The following HCN1 variants were observed in gnomAD, a reference collection of about 807,000 sequenced individuals.
The protein encoded by HCN1 is potassium/sodium hyperpolarization-activated cyclic nucleotide-gated channel 1.
Under a neutral mutation model 78.9 loss-of-function variants are expected in HCN1, and 13 were observed. The observed-to-expected ratio is 0.16, with a 90% confidence interval of 0.11 to 0.26. HCN1 has a LOEUF of 0.26. HCN1 is among the 10% of genes least tolerant of loss of function. HCN1 has a pLI of 1.00. For synonymous variants in HCN1, 552 were observed against 455.5 expected, an observed-to-expected ratio of 1.21 and a Z score of -2.70; for missense variants, 810 against 1,154.3, an observed-to-expected ratio of 0.70 and a Z score of 4.32.
At chr5:45,609,146 C>A (rs983485255) in intron 2 of HCN1, among the ~76,000 whole-genome samples, 18 of 151,930 alleles carry the variant, frequency 1.2e-4, no homozygotes, top group Admixed American at 5.3e-4. Flanking sequence ...GTATCGATTT[C>A]TTGGAAAGCA....
chr5:45,289,047 C>T (rs1745321971), intron 6 of HCN1, among the ~76,000 whole-genome samples: 1 of 151,982 alleles, frequency 6.6e-6, no homozygotes, highest in Non-Finnish European at 1.5e-5. Flanking sequence ...GTCCTTTACT[C>T]ATAAGCTGTG....
Position 45,254,999 on chromosome 5 carries a change from TA to T in HCN1, c.*6921del, listed in dbSNP as rs1744577078. 6.6e-6 allele frequency: 1 copy of T among 152,198 alleles called. No individual in the cohort carries two copies. The highest frequency in any genetic ancestry group is 2.4e-5 in the African/African-American group (1 of 41,438). The allele number at this position is 152,198 out of a possible 1,614,324, so 9.4% of individuals were successfully genotyped here. A position where few individuals can be genotyped will look rare whatever the true frequency, so the allele number is the denominator to read the frequency against. On this transcript the variant is annotated 3_prime_UTR_variant, in exon 8 of 8. Transcript: ENST00000303230. ...AATGTCAATGTATTATTGATAGCATTAAAAATGTTACAGAAGGCAATGGACA... is the reference window on the plus strand; with the variant it reads ...AATGTCAATGTATTATTGATAGCATTAAAATGTTACAGAAGGCAATGGACA...
intron 6 of HCN1, 58 bp from the exon 7 acceptor site, chr5:45,267,311 A>T: frequency 4.0e-6 from 6 of 1,514,922 alleles, no homozygotes; most frequent in Non-Finnish European, 5.5e-6. Context: ...TTTAAAAGCC[A>T]TTAAGGCTTC....
intron 5 of HCN1, among the ~76,000 whole-genome samples, chr5:45,312,875 G>A (rs531014068): frequency 6.6e-6 from 1 of 152,150 alleles, no homozygotes; most frequent in Non-Finnish European, 1.5e-5. Context: ...CTGGAGGCTC[G>A]ACCTGCATGG....
chr5:45,380,861 A>G (rs1157081922), intron 4 of HCN1, among the ~76,000 whole-genome samples: 1 of 152,168 alleles, frequency 6.6e-6, no homozygotes, highest in African/African-American at 2.4e-5. Context: ...GCTCAAAGTG[A>G]GATTAATTAC....
intron 2 of HCN1, among the ~76,000 whole-genome samples, chr5:45,553,010 T>C (rs1743397570): frequency 6.6e-6 from 1 of 151,914 alleles, no homozygotes; most frequent in Non-Finnish European, 1.5e-5. Context: ...GATATGCTGA[T>C]TACTTCAAAC....
intron 3 of HCN1, among the ~76,000 whole-genome samples, chr5:45,434,192 C>T (rs1281896003): frequency 2.6e-5 from 4 of 152,178 alleles, no homozygotes; most frequent in African/African-American, 9.6e-5. Flanking sequence ...ATATCTGAGT[C>T]TTCTGATGCA....
intron 3 of HCN1, among the ~76,000 whole-genome samples, chr5:45,425,071 T>A (rs1362631214): frequency 6.6e-6 from 1 of 152,230 alleles, no homozygotes; most frequent in Non-Finnish European, 1.5e-5. Flanking sequence ...TAGAATATAA[T>A]GCCTGGCACA....
At position 45,327,051 on chromosome 5, in the gene HCN1, G is replaced by A. The variant is rs182292386; in HGVS notation, c.1378-23212C>T. Among the ~76,000 whole-genome samples, 166 of 151,754 alleles carry A rather than the reference G, an allele frequency of 1.1e-3. 1 individual carries two copies. Among genetic ancestry groups the A allele is most frequent in the Admixed American group, 4.5e-3 (68 of 15,174 alleles). On this transcript the variant is annotated intron_variant, in intron 5 of 7. Coordinates refer to ENST00000303230, the MANE Select transcript of HCN1 (RefSeq NM_021072.4). ...ATTGACAGGAAGAGTGTTCATTAGAGAATTTGTATCTCTGCTTTACTATGT... is the reference window on the plus strand; with the variant it reads ...ATTGACAGGAAGAGTGTTCATTAGAAAATTTGTATCTCTGCTTTACTATGT...
At chr5:45,501,020 G>A (rs1742176472) in intron 2 of HCN1, among the ~76,000 whole-genome samples, 1 of 152,058 alleles carries the variant, frequency 6.6e-6, no homozygotes, top group African/African-American at 2.4e-5. Flanking sequence ...AAAATAAAAT[G>A]CTAACAGAGC....
chr5:45,569,544 T>C (rs1291770370), intron 2 of HCN1, among the ~76,000 whole-genome samples: 2 of 152,060 alleles, frequency 1.3e-5, no homozygotes, highest in Non-Finnish European at 1.5e-5. Flanking sequence ...TAGAGTTCTA[T>C]TTAATTAATT....
intron 4 of HCN1, among the ~76,000 whole-genome samples, chr5:45,359,959 AT>A (rs1005978209): frequency 1.3e-5 from 2 of 149,330 alleles, no homozygotes; most frequent in Admixed American, 6.7e-5. Context: ...ATATATATAT[AT>A]TTTTTTTACC....
At chr5:45,492,522 T>TTG (rs1389575082) in intron 2 of HCN1, among the ~76,000 whole-genome samples, 3 of 140,148 alleles carry the variant, frequency 2.1e-5, no homozygotes, top group African/African-American at 8.3e-5. Flanking sequence ...TTTTTTTGTT[T>TTG]TTTTTTTTTT....
At chr5:45,470,013 T>C (rs1426246847) in intron 2 of HCN1, among the ~76,000 whole-genome samples, 1 of 152,000 alleles carries the variant, frequency 6.6e-6, no homozygotes, top group South Asian at 2.1e-4. Context: ...ATTGCACCAT[T>C]TGATAGGTGA....
In HCN1 at chr5:45,374,074, A is replaced by T. The variant is rs867637660; in HGVS notation, c.1231-20828T>A. 2.3e-3 allele frequency among the ~76,000 whole-genome samples: 239 copies of T among 102,980 alleles called. 1 individual carries two copies. Among genetic ancestry groups the T allele is most frequent in the East Asian group, 7.7e-3 (30 of 3,876 alleles). The allele number at this position is 102,980 out of a possible 152,430, so 67.6% of individuals were successfully genotyped here. A position where few individuals can be genotyped will look rare whatever the true frequency, so the allele number is the denominator to read the frequency against. ...TATATATTATATATATAATATATAT[A>T]ATATCTATTACATATATGTATATAA... On this transcript the variant is annotated intron_variant, in intron 4 of 7. Coordinates refer to ENST00000303230, the MANE Select transcript of HCN1 (RefSeq NM_021072.4).
intron 1 of HCN1, among the ~76,000 whole-genome samples, chr5:45,667,520 T>C (rs947498588): frequency 9.2e-5 from 14 of 152,024 alleles, no homozygotes; most frequent in African/African-American, 3.1e-4. Flanking sequence ...TAAGTACTAG[T>C]ACAGTGTCAG....
intron 5 of HCN1, among the ~76,000 whole-genome samples, chr5:45,349,414 G>C (rs1397035932): frequency 6.6e-6 from 1 of 152,118 alleles, no homozygotes; most frequent in Admixed American, 6.5e-5. Flanking sequence ...GCCCACAAGA[G>C]AAAGCAGGAA....
intron 2 of HCN1, among the ~76,000 whole-genome samples, chr5:45,583,264 G>C (rs569894242): frequency 1.3e-5 from 2 of 152,150 alleles, no homozygotes; most frequent in African/African-American, 4.8e-5. Context: ...GAGGGTGTAC[G>C]TGTCGAGGAA....
chr5:45,280,545 C>G (rs1190307928), intron 6 of HCN1, among the ~76,000 whole-genome samples: 1 of 152,148 alleles, frequency 6.6e-6, no homozygotes, highest in Non-Finnish European at 1.5e-5. Flanking sequence ...TGGCCTCAAT[C>G]TACTGGAAGC....
Sources: gnomAD v4.1 joint callset for allele counts (sites outside exome capture counted in the v4.1 genomes callset) on GRCh38, gnomAD v4.1.1 for gene constraint, MANE v1.5 for transcripts, NCBI Gene and HGNC (gene_info 2026-07-23, HGNC 2026-07-21) for gene names.